FRMD4A: variants seen among roughly 807,000 people sequenced by gnomAD.
The protein encoded by FRMD4A is FERM domain-containing protein 4A.
Under a neutral mutation model 129.1 loss-of-function variants are expected in FRMD4A, and 29 were observed. The observed-to-expected ratio is 0.22, with a 90% CI of 0.17 to 0.31. The LOEUF is 0.31. Ranked by LOEUF, FRMD4A falls within the 10% of genes least tolerant of loss-of-function variation. The pLI is 1.00. For synonymous variants in FRMD4A, 634 were observed against 571.6 expected (o/e 1.11, Z -1.56); for missense variants, 1,272 against 1,375.8 (o/e 0.92, Z 1.19).
chr10:14,161,540 T>C (rs1303023932), intron 2 of FRMD4A, among the ~76,000 whole-genome samples: 1 of 151,968 alleles, frequency 6.6e-6, no homozygotes, highest in Non-Finnish European at 1.5e-5. Context: ...GAAACGGAGG[T>C]CATTATGAAA....
At chr10:13,723,303 A>T (rs976441526) in intron 12 of FRMD4A, among the ~76,000 whole-genome samples, 3 of 152,232 alleles carry the variant, frequency 2.0e-5, no homozygotes, top group African/African-American at 7.2e-5. Context: ...TTATTCACTA[A>T]TGTCCCTTTT....
intron 2 of FRMD4A, among the ~76,000 whole-genome samples, chr10:13,942,600 A>G (rs2095300978): frequency 6.6e-6 from 1 of 152,230 alleles, no homozygotes; most frequent in Non-Finnish European, 1.5e-5. Flanking sequence ...TATTGTGCAA[A>G]AACAGAAAGT....
chr10:13,740,350 C>T (rs1009682139), intron 10 of FRMD4A, 99 bp from the exon 11 acceptor site: 32 of 936,358 alleles, frequency 3.4e-5, no homozygotes, highest in African/African-American at 1.5e-4. Context: ...TGTATGTGTA[C>T]GTGATAAAGT....
At chr10:13,932,377 G>A (rs1432222254) in intron 2 of FRMD4A, among the ~76,000 whole-genome samples, 1 of 152,074 alleles carries the variant, frequency 6.6e-6, no homozygotes, top group Admixed American at 6.5e-5. Context: ...CTCATAGACA[G>A]TGTCTAGAGT....
rs535229769 is a variant in FRMD4A, at chr10:13,905,996, G to A, written c.46-47084C>T. On this transcript the variant is annotated intron_variant, in intron 2 of 24. Transcript: ENST00000357447. ...CCTTGAAATCAGAATCATGGCACCC[G>A]AGCAGAGCTCTGCAGACACCTGGAA... Among the ~76,000 whole-genome samples, 23 of 152,258 alleles carry A rather than the reference G, an allele frequency of 1.5e-4. 1 individual carries two copies. The South Asian group carries it at 4.6e-3, about 30-fold the overall frequency.
At chr10:14,158,625 T>TAA (rs200238269) in intron 2 of FRMD4A, among the ~76,000 whole-genome samples, 1 of 112,094 alleles carries the variant, frequency 8.9e-6, no homozygotes, top group Non-Finnish European at 1.9e-5. Flanking sequence ...CAAAAATAAA[T>TAA]AAAAAAAAAG....
intron 2 of FRMD4A, among the ~76,000 whole-genome samples, chr10:14,127,933 T>G (rs1183345479): frequency 2.5e-4 from 2 of 7,862 alleles, no homozygotes; most frequent in African/African-American, 1.8e-3. Context: ...TTTCTTTCTT[T>G]CTTTCTTTCT....
At chr10:13,733,746 T>C (rs77989934) in intron 12 of FRMD4A, among the ~76,000 whole-genome samples, 34 of 152,314 alleles carry the variant, frequency 2.2e-4, no homozygotes, top group Non-Finnish European at 3.1e-4. Context: ...TTCTTAATTT[T>C]ATATTCAGAT....
At chr10:14,137,028 T>C (rs1297065963) in intron 2 of FRMD4A, among the ~76,000 whole-genome samples, 1 of 152,228 alleles carries the variant, frequency 6.6e-6, no homozygotes, top group Non-Finnish European at 1.5e-5. Flanking sequence ...TCAATTATTG[T>C]CGTTTGCTGA....
intron 2 of FRMD4A, among the ~76,000 whole-genome samples, chr10:14,262,350 G>A (rs77201200): frequency 0.064 from 9,767 of 152,264 alleles, 395 homozygotes; most frequent in Non-Finnish European, 0.089. Context: ...TGGGGATGGC[G>A]ATGCCAACTT....
At chr10:13,956,231 C>A (rs911323010) in intron 2 of FRMD4A, among the ~76,000 whole-genome samples, 5 of 152,152 alleles carry the variant, frequency 3.3e-5, no homozygotes, top group Admixed American at 6.5e-5. Flanking sequence ...TGGCTCACTG[C>A]AAACTCTGCC....
chr10:13,978,720 C>T (rs1160376671), intron 2 of FRMD4A, among the ~76,000 whole-genome samples: 2 of 152,140 alleles, frequency 1.3e-5, no homozygotes, highest in African/African-American at 4.8e-5. Context: ...CCAAAAAACT[C>T]ATTTATATAA....
intron 2 of FRMD4A, among the ~76,000 whole-genome samples, chr10:13,953,501 C>A (rs1472801835): frequency 6.6e-6 from 1 of 152,112 alleles, no homozygotes; most frequent in Non-Finnish European, 1.5e-5. Flanking sequence ...GTGAAGATAT[C>A]TCACACCTTC....
chr10:13,865,220 T>C (rs1032747019), intron 2 of FRMD4A, among the ~76,000 whole-genome samples: 8 of 152,128 alleles, frequency 5.3e-5, no homozygotes, highest in South Asian at 4.1e-4. Flanking sequence ...AATCCTGCAA[T>C]GATTAAATTA....
chr10:14,221,770 A>ATC (rs1461646805), intron 2 of FRMD4A, among the ~76,000 whole-genome samples: 1 of 151,658 alleles, frequency 6.6e-6, no homozygotes, highest in Non-Finnish European at 1.5e-5. Flanking sequence ...GCCCAGGCTG[A>ATC]TCTCAAGCTC....
intron 2 of FRMD4A, among the ~76,000 whole-genome samples, chr10:13,892,796 G>T (rs541595623): frequency 1.3e-5 from 2 of 152,194 alleles, no homozygotes; most frequent in African/African-American, 2.4e-5. Flanking sequence ...TCCGGAGACC[G>T]GTAGGCTCTG....
chr10:13,917,664 T>C (rs1482624580), intron 2 of FRMD4A, among the ~76,000 whole-genome samples: 1 of 152,144 alleles, frequency 6.6e-6, no homozygotes. Flanking sequence ...AATCAAGGAC[T>C]GTAAATATCA....
Position 14,272,436 on chromosome 10 carries a change from T to C in FRMD4A, c.45+57622A>G, listed in dbSNP as rs553764798. On this transcript the variant is annotated intron_variant, in intron 2 of 24. Coordinates refer to ENST00000357447, the MANE Select transcript of FRMD4A (RefSeq NM_018027.5). Reference sequence around the variant, plus strand: ...ACCGTCATCCCTTTCACTGACTTCATTGACCTTATTGTGAAAGATGACGAA... The same window carrying C: ...ACCGTCATCCCTTTCACTGACTTCACTGACCTTATTGTGAAAGATGACGAA... Among the ~76,000 whole-genome samples, 246 of 152,310 alleles carry C rather than the reference T, an allele frequency of 1.6e-3. 1 individual carries two copies. Among genetic ancestry groups the C allele is most frequent in the African/African-American group, 5.5e-3 (229 of 41,564 alleles).
chr10:14,094,229 A>G (rs1348006071), intron 2 of FRMD4A, among the ~76,000 whole-genome samples: 2 of 152,208 alleles, frequency 1.3e-5, no homozygotes, highest in Non-Finnish European at 2.9e-5. Flanking sequence ...CAAATGCCAG[A>G]CGACATGGCG....
Sources: allele counts gnomAD v4.1 joint callset (sites outside exome capture counted in the v4.1 genomes callset), GRCh38; gene constraint gnomAD v4.1.1; transcripts MANE v1.5; gene names NCBI Gene and HGNC (gene_info 2026-07-23, HGNC 2026-07-21).